QTMAN: variants seen among roughly 807,000 people sequenced by gnomAD.
QTMAN encodes the protein queuosine-tRNA mannosyltransferase.
the QTMAN span, among the ~76,000 whole-genome samples, chr2:144,176,859 A>C: frequency 1.3e-5 from 2 of 152,154 alleles, no homozygotes; most frequent in East Asian, 3.9e-4. Flanking sequence ...AATACCCAAG[A>C]CTGGGTAATT....
chr2:144,187,703 T>C, the QTMAN span, among the ~76,000 whole-genome samples: 7 of 152,090 alleles, frequency 4.6e-5, no homozygotes, highest in Non-Finnish European at 8.8e-5. Flanking sequence ...CAACAAAAAC[T>C]GAAGGCACAG....
At chr2:144,046,999 G>T in the QTMAN span, among the ~76,000 whole-genome samples, 1 of 152,122 alleles carries the variant, frequency 6.6e-6, no homozygotes, top group Non-Finnish European at 1.5e-5. Context: ...GACCGGGCGT[G>T]GTGGCTCACA....
At chr2:144,191,995 T>C in the QTMAN span, among the ~76,000 whole-genome samples, 24 of 152,324 alleles carry the variant, frequency 1.6e-4, no homozygotes, top group African/African-American at 5.5e-4. Flanking sequence ...TGTTTGCTAG[T>C]GAGCTTCTCT....
At chr2:144,232,155 G>A in the QTMAN span, among the ~76,000 whole-genome samples, 1 of 152,108 alleles carries the variant, frequency 6.6e-6, no homozygotes, top group East Asian at 1.9e-4. Context: ...ATGGGGAACT[G>A]TAGCATTTAT....
chr2:143,966,314 G>T, the QTMAN span, among the ~76,000 whole-genome samples: 2 of 152,196 alleles, frequency 1.3e-5, no homozygotes, highest in African/African-American at 4.8e-5. Context: ...AAAGGGCTGA[G>T]AACGGCATCT....
chr2:144,160,987 G>A, the QTMAN span, among the ~76,000 whole-genome samples: 75 of 152,032 alleles, frequency 4.9e-4, no homozygotes, highest in African/African-American at 1.7e-3. Flanking sequence ...ACAACTCCAC[G>A]CAACCCAAGA....
the QTMAN span, among the ~76,000 whole-genome samples, chr2:144,274,080 G>C: frequency 6.6e-6 from 1 of 152,034 alleles, no homozygotes; most frequent in East Asian, 1.9e-4. Context: ...GTTGCAGTAG[G>C]CCGAGATCAC....
At chr2:144,061,567 T>A in the QTMAN span, among the ~76,000 whole-genome samples, 1 of 152,216 alleles carries the variant, frequency 6.6e-6, no homozygotes, top group Admixed American at 6.5e-5. Flanking sequence ...CTAACATTTA[T>A]TGAGTACTTA....
chr2:144,118,877 T>C, the QTMAN span, among the ~76,000 whole-genome samples: 22 of 152,168 alleles, frequency 1.4e-4, no homozygotes, highest in Admixed American at 1.4e-3. Flanking sequence ...CAAGACTTCA[T>C]CTCAAAATAA....
the QTMAN span, among the ~76,000 whole-genome samples, chr2:144,043,589 C>A: frequency 2.6e-5 from 4 of 151,316 alleles, no homozygotes; most frequent in East Asian, 7.8e-4. Context: ...GCTGAGATCA[C>A]GCCACTGCAC....
At chr2:144,290,852 C>G in the QTMAN span, among the ~76,000 whole-genome samples, 7 of 152,300 alleles carry the variant, frequency 4.6e-5, no homozygotes, top group African/African-American at 1.7e-4. Flanking sequence ...CTCTCCCAAT[C>G]CCCTATATAT....
At chr2:143,998,441 GA>G in the QTMAN span, among the ~76,000 whole-genome samples, 6,102 of 151,852 alleles carry the variant, frequency 0.04, 234 homozygotes, top group East Asian at 0.17. Context: ...GAAGGGGGGG[GA>G]AAGCTTACAT....
the QTMAN span, among the ~76,000 whole-genome samples, chr2:144,182,830 T>TATATATATATTATATATATA: frequency 3.4e-4 from 23 of 68,302 alleles, no homozygotes; most frequent in East Asian, 1.8e-3. Context: ...ATATATATAA[T>TATATATATATTATATATATA]ATATATATAT....
At chr2:144,067,420 G>A in the QTMAN span, among the ~76,000 whole-genome samples, 118 of 152,348 alleles carry the variant, frequency 7.7e-4, no homozygotes, top group African/African-American at 2.7e-3. Context: ...ACAAGGAGGT[G>A]TGTGCATGCA....
At chr2:144,102,851 C>T in the QTMAN span, among the ~76,000 whole-genome samples, 2 of 152,026 alleles carry the variant, frequency 1.3e-5, no homozygotes, top group Non-Finnish European at 2.9e-5. Context: ...TAAAATTTAC[C>T]CGAAATACAA....
At chr2:144,008,930 G>GT in the QTMAN span, among the ~76,000 whole-genome samples, 1 of 151,966 alleles carries the variant, frequency 6.6e-6, no homozygotes, top group African/African-American at 2.4e-5. Flanking sequence ...TAGGGTTTGT[G>GT]TATGAAAGAG....
At chr2:144,162,660 C>T in the QTMAN span, among the ~76,000 whole-genome samples, 12 of 152,270 alleles carry the variant, frequency 7.9e-5, no homozygotes, top group South Asian at 2.5e-3. Context: ...AGGCCTAGGG[C>T]TGATCTCATG....
chr2:144,031,899 G>A, the QTMAN span, among the ~76,000 whole-genome samples: 1 of 152,104 alleles, frequency 6.6e-6, no homozygotes, highest in Non-Finnish European at 1.5e-5. Flanking sequence ...TGGGACTACA[G>A]GCATGCGCCA....
the QTMAN span, among the ~76,000 whole-genome samples, chr2:144,271,236 G>A: frequency 1.1e-4 from 16 of 152,162 alleles, no homozygotes; most frequent in Non-Finnish European, 1.8e-4. Context: ...GGAAATAGCT[G>A]TTACATAAAA....
Sources: allele counts gnomAD v4.1 joint callset (sites outside exome capture counted in the v4.1 genomes callset), GRCh38; gene constraint gnomAD v4.1.1; transcripts MANE v1.5; gene names NCBI Gene and HGNC (gene_info 2026-07-23, HGNC 2026-07-21).